Variants in ACYP2 observed in about 807,000 individuals in gnomAD.
The protein encoded by ACYP2 is acylphosphatase 2.
ACYP2 carries 12 observed loss-of-function variants against 11.2 expected under a neutral mutation model. That is an observed-to-expected ratio of 1.08 (90% CI 0.69 to 1.74). The LOEUF (loss-of-function observed/expected upper bound fraction) is 1.74. Ranked by LOEUF, ACYP2 falls within the 40% of genes most tolerant of loss-of-function variation. ACYP2 has a pLI of 0.00. For synonymous variants in ACYP2, 43 were observed against 32.2 expected (o/e 1.33, Z -1.13); for missense variants, 134 against 101.9 (o/e 1.31, Z -1.35).
chr2:54,282,259 G>A (rs1688882488), intron 6 of ACYP2, among the ~76,000 whole-genome samples: 1 of 152,124 alleles, frequency 6.6e-6, no homozygotes, highest in Admixed American at 6.5e-5. Context: ...AGAGATTGGG[G>A]ACTTTAAATA....
intron 4 of ACYP2, among the ~76,000 whole-genome samples, chr2:54,135,214 A>G (rs948283556): frequency 5.3e-5 from 8 of 152,198 alleles, no homozygotes; most frequent in Admixed American, 1.3e-4. Flanking sequence ...CATGGGTGGG[A>G]CAGCATGAGA....
At chr2:54,207,146 T>C (rs1685105113) in intron 6 of ACYP2, among the ~76,000 whole-genome samples, 1 of 135,780 alleles carries the variant, frequency 7.4e-6, no homozygotes, top group South Asian at 2.3e-4. Flanking sequence ...TCTCAAGTTA[T>C]TATATGTACA....
chr2:54,132,167 G>C (rs1407159723), intron 4 of ACYP2, among the ~76,000 whole-genome samples: 1 of 140,154 alleles, frequency 7.1e-6, no homozygotes, highest in Non-Finnish European at 1.5e-5. Context: ...TTACCCTTAT[G>C]ATAAAAAGAC....
intron 2 of ACYP2, among the ~76,000 whole-genome samples, chr2:54,004,641 A>T (rs1672967383): frequency 6.7e-6 from 1 of 149,432 alleles, no homozygotes; most frequent in Non-Finnish European, 1.5e-5. Flanking sequence ...TGATCTCCTG[A>T]CCTTGTGATC....
intron 6 of ACYP2, among the ~76,000 whole-genome samples, chr2:54,249,024 T>C (rs1687085133): frequency 6.6e-6 from 1 of 152,062 alleles, no homozygotes. Context: ...GAGTTCCATG[T>C]GAGTGGACTC....
At chr2:54,201,921 T>C (rs1684850636) in intron 6 of ACYP2, among the ~76,000 whole-genome samples, 1 of 151,968 alleles carries the variant, frequency 6.6e-6, no homozygotes, top group Non-Finnish European at 1.5e-5. Flanking sequence ...TTGGTCAAGC[T>C]GGTCTTAAAC....
chr2:53,990,190 G>C (rs1672220075), intron 2 of ACYP2, among the ~76,000 whole-genome samples: 2 of 151,662 alleles, frequency 1.3e-5, no homozygotes, highest in African/African-American at 4.8e-5. Flanking sequence ...TGTTGGTCAG[G>C]CTGGTTTTGA....
At chr2:54,188,599 A>G (rs1319139469) in intron 6 of ACYP2, among the ~76,000 whole-genome samples, 3 of 152,194 alleles carry the variant, frequency 2.0e-5, no homozygotes, top group Admixed American at 2.0e-4. Flanking sequence ...AGAATTTTTT[A>G]TGTAGTACTT....
At chr2:54,267,173 A>C in intron 6 of ACYP2, 1 of 922,742 alleles carries the variant, frequency 1.1e-6, no homozygotes, top group Non-Finnish European at 1.6e-6. Flanking sequence ...TGTATTATTC[A>C]TGTATTTTTT....
intron 2 of ACYP2, among the ~76,000 whole-genome samples, chr2:53,996,787 C>T (rs930012296): frequency 7.2e-5 from 11 of 152,214 alleles, no homozygotes; most frequent in African/African-American, 2.7e-4. Flanking sequence ...TTCACAAGTA[C>T]AGAGCACAGA....
rs1681164694 is a variant in ACYP2 at position 54,135,434 on chromosome 2, T to G, written c.278-19T>G. 1 of 1,605,654 alleles carries G rather than the reference T, an allele frequency of 6.2e-7. No homozygotes were observed. Among genetic ancestry groups the G allele is most frequent in the South Asian group, 1.1e-5 (1 of 89,400 alleles). On this transcript the variant is annotated intron_variant, in intron 4 of 6. Coordinates refer to ENST00000607452, the MANE Select transcript of ACYP2 (RefSeq NM_001320586.2). ...AAGGAGGACAAGCTGACAATTCTTT[T>G]TATCTTTCTTTTATACAGGTGTTTG...
intron 6 of ACYP2, among the ~76,000 whole-genome samples, chr2:54,212,965 A>C (rs2103934039): frequency 6.6e-6 from 1 of 150,378 alleles, no homozygotes. Flanking sequence ...TTTTAGGTTC[A>C]GGGGATACAT....
intron 4 of ACYP2, among the ~76,000 whole-genome samples, chr2:54,069,150 C>T (rs759882441): frequency 6.6e-6 from 1 of 152,082 alleles, no homozygotes; most frequent in Non-Finnish European, 1.5e-5. Flanking sequence ...AGTCTGGTCT[C>T]AAACTCCTGG....
chr2:53,971,387 A>G (rs935644738), intron 1 of ACYP2: 1 of 152,270 alleles, frequency 6.6e-6, no homozygotes, highest in African/African-American at 2.4e-5. Flanking sequence ...GGAAAAGCCT[A>G]CGTACCCACT....
At chr2:54,105,082 A>G (rs776074135) in intron 4 of ACYP2, among the ~76,000 whole-genome samples, 1 of 152,232 alleles carries the variant, frequency 6.6e-6, no homozygotes, top group Non-Finnish European at 1.5e-5. Flanking sequence ...GTTGAAAACA[A>G]TTCAGGAAAT....
At position 54,023,864 on chromosome 2, in the gene ACYP2, A is replaced by T. The variant is rs1378074412; in HGVS notation, c.63-27094A>T. ...TGGATTCACAGCTGAATTCTACCAGACATTCAAAGAAGAAGTGGTACCAAT... is the reference window on the plus strand; with the variant it reads ...TGGATTCACAGCTGAATTCTACCAGTCATTCAAAGAAGAAGTGGTACCAAT... On this transcript the variant is annotated intron_variant, in intron 2 of 6. Transcript: ENST00000607452. 2.6e-5 allele frequency among the ~76,000 whole-genome samples: 4 copies of T among 152,224 alleles called. No homozygotes were observed. In the South Asian group the frequency reaches 6.2e-4, roughly 24 times the overall value.
chr2:53,971,730 G>A (rs1036354352), intron 1 of ACYP2, among the ~76,000 whole-genome samples: 1 of 152,234 alleles, frequency 6.6e-6, no homozygotes, highest in Admixed American at 6.5e-5. Flanking sequence ...TAGGGGGTTT[G>A]AGAGGGTGTC....
chr2:54,070,252 A>AAG (rs1348674799), intron 4 of ACYP2, among the ~76,000 whole-genome samples: 1 of 150,686 alleles, frequency 6.6e-6, no homozygotes, highest in Non-Finnish European at 1.5e-5. Context: ...CCTGGACAAC[A>AAG]AGAGCAAAAG....
At chr2:54,008,655 C>G (rs1345446809) in intron 2 of ACYP2, among the ~76,000 whole-genome samples, 1 of 152,128 alleles carries the variant, frequency 6.6e-6, no homozygotes, top group African/African-American at 2.4e-5. Flanking sequence ...TCCACCACGC[C>G]TGGTTAATTA....
Sources: gnomAD v4.1 joint callset for allele counts (sites outside exome capture counted in the v4.1 genomes callset) on GRCh38, gnomAD v4.1.1 for gene constraint, MANE v1.5 for transcripts, NCBI Gene and HGNC (gene_info 2026-07-23, HGNC 2026-07-21) for gene names.